Variants in LYST observed in about 807,000 individuals in gnomAD.
LYST encodes the protein lysosomal trafficking regulator.
A neutral mutation model predicts 413.6 loss-of-function variants in LYST; 192 were observed. The observed-to-expected ratio is 0.46, with a 90% CI of 0.41 to 0.52. The LOEUF (loss-of-function observed/expected upper bound fraction) is 0.52, where lower values mean the gene tolerates loss of function less well. Ranked by LOEUF, LYST falls within the 20% of genes least tolerant of loss-of-function variation. The pLI is 0.00. For missense variants in LYST, 3,815 were observed against 4,499.9 expected (o/e 0.85, Z 4.35); for synonymous variants, 1,525 against 1,567.3 (o/e 0.97, Z 0.64).
chr1:235,714,334 A>AAG (rs1491518281), intron 42 of LYST, among the ~76,000 whole-genome samples: 3 of 152,140 alleles, frequency 2.0e-5, no homozygotes, highest in Admixed American at 2.0e-4. Flanking sequence ...GGGGAAAAAC[A>AAG]AGAGAGAGAG....
chr1:235,796,952 G>T (rs527549045), intron 10 of LYST, among the ~76,000 whole-genome samples: 3 of 152,176 alleles, frequency 2.0e-5, no homozygotes, highest in African/African-American at 7.2e-5. Context: ...CACCAGGATA[G>T]ATATAATTAA....
chr1:235,697,174 T>C lies in LYST; in HGVS notation c.10473A>G (p.Glu3491=). The C allele has an allele frequency of 1.9e-6, 3 of 1,614,142 alleles. No individual in the cohort carries two copies. The highest frequency in any genetic ancestry group is 8.5e-7 in the Non-Finnish European group (1 of 1,179,984). The change falls in exon 46 of 53, where the codon GAA becomes GAG. Residue 3491 remains glutamate, a synonymous_variant. Coordinates refer to ENST00000389793, the MANE Select transcript of LYST (RefSeq NM_000081.4). ...GCAGAGCCTGGAGAGAGCCAAATCT[T>C]TCTCCGTGGGGCTGGCTGAAGCAGA... ...PVVCFSQPHG[E]RFGSLQALPT...
chr1:235,728,410 C>T (rs1447063718), intron 37 of LYST, among the ~76,000 whole-genome samples: 1 of 152,152 alleles, frequency 6.6e-6, no homozygotes, highest in African/African-American at 2.4e-5. Context: ...ATGCAAAATG[C>T]ATATGTGCTC....
At chr1:235,758,368 T>C (rs990955724) in intron 23 of LYST, among the ~76,000 whole-genome samples, 1 of 152,226 alleles carries the variant, frequency 6.6e-6, no homozygotes, top group Non-Finnish European at 1.5e-5. Context: ...GAGGACTCTG[T>C]GCAGTCTGGT....
chr1:235,828,977 G>T, intron 3 of LYST: 1 of 240,652 alleles, frequency 4.2e-6, no homozygotes, highest in Non-Finnish European at 6.7e-6. Context: ...GGCCAACGGG[G>T]GTAGACTGCT....
intron 50 of LYST, among the ~76,000 whole-genome samples, chr1:235,666,733 A>G (rs1239732582): frequency 6.6e-6 from 1 of 152,124 alleles, no homozygotes; most frequent in Non-Finnish European, 1.5e-5. Flanking sequence ...AAGAAATAGA[A>G]TTATAGACAA....
intron 18 of LYST, 139 bp downstream of exon 18, chr1:235,774,774 T>C (rs1245625714): frequency 1.6e-6 from 1 of 614,350 alleles, no homozygotes; most frequent in East Asian, 2.8e-5. Flanking sequence ...GTATCTTAGT[T>C]TGATTAACTA....
At chr1:235,783,791 TAAC>T (rs890805276) in intron 14 of LYST, among the ~76,000 whole-genome samples, 7 of 152,188 alleles carry the variant, frequency 4.6e-5, no homozygotes, top group African/African-American at 1.7e-4. Context: ...AAGCTGTTAA[TAAC>T]AACTAATAGA....
intron 47 of LYST, among the ~76,000 whole-genome samples, chr1:235,689,338 T>C (rs1660470119): frequency 6.6e-6 from 1 of 152,202 alleles, no homozygotes; most frequent in African/African-American, 2.4e-5. Context: ...AATCCTGTTA[T>C]TTGTGATAAC....
chr1:235,824,957 T>C (rs1258672018), intron 3 of LYST, among the ~76,000 whole-genome samples: 3 of 151,822 alleles, frequency 2.0e-5, no homozygotes, highest in Non-Finnish European at 4.4e-5. Context: ...ATGGCAGAGG[T>C]TGCAGTGAGC....
intron 34 of LYST, 119 bp downstream of exon 34, chr1:235,733,384 A>C (rs1162085436): frequency 8.0e-6 from 7 of 870,486 alleles, no homozygotes; most frequent in Non-Finnish European, 1.3e-5. Context: ...AAATGATTAA[A>C]CAAAAAATTG....
intron 1 of LYST, among the ~76,000 whole-genome samples, chr1:235,849,568 A>C (rs1021445397): frequency 3.3e-5 from 5 of 152,116 alleles, no homozygotes; most frequent in Admixed American, 3.3e-4. Flanking sequence ...GTAAAGAGGA[A>C]GTCAAACTTT....
intron 30 of LYST, among the ~76,000 whole-genome samples, chr1:235,742,521 A>G (rs1255794989): frequency 2.0e-5 from 3 of 151,676 alleles, no homozygotes; most frequent in African/African-American, 7.3e-5. Context: ...GAATATACTT[A>G]GTGCCACTGA....
At chr1:235,825,404 C>T (rs1390952666) in intron 3 of LYST, among the ~76,000 whole-genome samples, 1 of 152,136 alleles carries the variant, frequency 6.6e-6, no homozygotes, top group Non-Finnish European at 1.5e-5. Context: ...GTAAAATTGT[C>T]ATTCACAGAT....
In LYST at chr1:235,792,003, C is replaced by T. The variant is rs1262063682; in HGVS notation, c.4239G>A (p.Lys1413=). 13 of 1,613,950 alleles carry T rather than the reference C, an allele frequency of 8.1e-6. No individual in the cohort carries two copies. Among genetic ancestry groups the T allele is most frequent in the Non-Finnish European group, 1.0e-5 (12 of 1,179,986 alleles). ...PNLSNGVSSQ[K]YPGILNSKAM... ...CCTTACTGTTTAAAATCCCAGGATACTTTTGTGATGAAACACCGTTGCTTA... is the reference window on the plus strand; with the variant it reads ...CCTTACTGTTTAAAATCCCAGGATATTTTTGTGATGAAACACCGTTGCTTA... The change falls in exon 12 of 53, where the codon AAG becomes AAA. Residue 1413 remains lysine (K), a synonymous_variant. Transcript: ENST00000389793.
chr1:235,802,863 A>C, intron 8 of LYST, 45 bp downstream of exon 8: 8 of 1,594,022 alleles, frequency 5.0e-6, no homozygotes, highest in Non-Finnish European at 6.9e-6. Flanking sequence ...CTATTTAATG[A>C]TCTGGCTTGC....
rs374830793 is a variant in LYST, at chr1:235,812,505, T to TA, written c.283+465dup. Among the ~76,000 whole-genome samples the TA allele has an allele frequency of 5.3e-3, 539 of 102,656 alleles. 1 individual carries two copies. The highest frequency in any genetic ancestry group is 5.4e-3 in the Non-Finnish European group (266 of 48,836). The allele number at this position is 102,656 out of a possible 152,430, so 67.3% of individuals were successfully genotyped here. On this transcript the variant is annotated intron_variant, in intron 4 of 52. Transcript: ENST00000389793. ...CTGGGTGACAGAGTGAGACTCTGCC[T>TA]AAAAAAAAAAAAAAAAAATTATACT... is the stretch of plus-strand genomic sequence containing the variant.
intron 14 of LYST, among the ~76,000 whole-genome samples, chr1:235,786,599 T>C (rs914714338): frequency 4.6e-5 from 7 of 152,202 alleles, no homozygotes; most frequent in Middle Eastern, 3.4e-3. Context: ...CACATGCACA[T>C]GTATGTTTAT....
chr1:235,733,574 T>C lies in LYST; in HGVS notation c.8730A>G (p.Arg2910=). The change falls in exon 34 of 53, where the codon AGA becomes AGG. Residue 2910 remains arginine, a synonymous_variant. Coordinates refer to ENST00000389793, the MANE Select transcript of LYST (RefSeq NM_000081.4). ...CACTCAAATCTACTTTATACATTCCTCTAATATGCTGGATCACCTTTTTTC... is the reference window on the plus strand; with the variant it reads ...CACTCAAATCTACTTTATACATTCCCCTAATATGCTGGATCACCTTTTTTC... ...NERKKVIQHI[R]GMYKVDLSAS... 1 of 1,613,964 alleles carries C rather than the reference T, an allele frequency of 6.2e-7. No homozygotes were observed. Among genetic ancestry groups the C allele is most frequent in the Non-Finnish European group, 8.5e-7 (1 of 1,179,878 alleles).
Sources: gnomAD v4.1 joint callset for allele counts (sites outside exome capture counted in the v4.1 genomes callset) on GRCh38, gnomAD v4.1.1 for gene constraint, MANE v1.5 for transcripts, NCBI Gene and HGNC (gene_info 2026-07-23, HGNC 2026-07-21) for gene names.